Variants in ACSL3 observed in about 807,000 individuals in gnomAD.
ACSL3 encodes fatty acid CoA ligase Acsl3.
Under a neutral mutation model 84.7 loss-of-function variants are expected in ACSL3, and 34 were observed. The ratio of observed to expected loss-of-function variants is 0.40; its 90% CI spans 0.31 to 0.53. The LOEUF is 0.53. Ranked by LOEUF, ACSL3 falls within the 20% of genes least tolerant of loss-of-function variation. The pLI is 0.48. For synonymous variants in ACSL3, 315 were observed against 299.4 expected, an observed-to-expected ratio of 1.05 and a Z score of -0.54; for missense variants, 680 against 873.1, an observed-to-expected ratio of 0.78 and a Z score of 2.79.
At position 222,934,515 on chromosome 2, in the gene ACSL3, C is replaced by G; in HGVS notation, c.1848-15C>G. 2 of 1,527,504 alleles carry G rather than the reference C, an allele frequency of 1.3e-6. No individual in the cohort carries two copies. Among genetic ancestry groups the G allele is most frequent in the Middle Eastern group, 1.7e-4 (1 of 5,866 alleles). 94.6% of individuals were successfully genotyped at this position (1,527,504 alleles called of 1,614,324 possible). ...ACCATTTTGTTCCTTATCTGTTATC[C>G]TTTCTATATTTCAGTTATCATTCTT... is the stretch of plus-strand genomic sequence containing the variant. On this transcript the variant is annotated splice_polypyrimidine_tract_variant and intron_variant, in intron 15 of 16. Transcript: ENST00000357430.
chr2:222,908,831 C>T lies in ACSL3; in HGVS notation c.59C>T (p.Pro20Leu). The change falls in exon 4 of 17, where the codon CCT becomes CTT. Residue 20 changes from proline to leucine, a missense_variant. Physicochemically the swap from Pro to Leu is moderately conservative, Grantham distance 98. Around this residue, in one of 2 missense-constraint regions of ACSL3, gnomAD observed 333 missense variants for 347.5 expected, o/e 0.96. Coordinates refer to ENST00000357430, the MANE Select transcript of ACSL3 (RefSeq NM_004457.5). Reference sequence around the variant, plus strand: ...ATGAAGCTAAAACATACCATCAACCCTATTCTTTTATATTTTATACATTTT... The same window carrying T: ...ATGAAGCTAAAACATACCATCAACCTTATTCTTTTATATTTTATACATTTT... ...STMKLKHTIN[P>L]ILLYFIHFLI... is the part of the protein sequence containing the mutation. 1 of 1,605,672 alleles carries T rather than the reference C, an allele frequency of 6.2e-7. No homozygotes were observed. Among genetic ancestry groups the T allele is most frequent in the Non-Finnish European group, 8.5e-7 (1 of 1,175,552 alleles).
chr2:222,941,594 A>G lies in ACSL3; in HGVS notation c.2103A>G (p.Lys701=), dbSNP rs1182980437. 6.2e-7 allele frequency: 1 copy of G among 1,613,704 alleles called. No individual in the cohort carries two copies. Among genetic ancestry groups the G allele is most frequent in the Non-Finnish European group, 8.5e-7 (1 of 1,179,836 alleles). Residue 701 remains lysine, a synonymous_variant, in exon 17 of 17, where the codon AAA becomes AAG. Coordinates refer to ENST00000357430, the MANE Select transcript of ACSL3 (RefSeq NM_004457.5). The part of the protein sequence containing the change: ...TGLVTDAFKL[K]RKELKTHYQA... ...TGGTGACAGATGCCTTCAAGCTGAA[A>G]CGCAAAGAGCTTAAAACACATTACC...
intron 1 of ACSL3, among the ~76,000 whole-genome samples, chr2:222,883,167 G>GTTTTTTT (rs71408541): frequency 2.2e-5 from 3 of 135,844 alleles, no homozygotes; most frequent in Non-Finnish European, 4.8e-5. Flanking sequence ...TTTGCTTTCT[G>GTTTTTTT]TTTTTTTTTT....
intron 14 of ACSL3, among the ~76,000 whole-genome samples, chr2:222,932,164 T>C (rs752371765): frequency 3.3e-5 from 5 of 152,178 alleles, no homozygotes; most frequent in Non-Finnish European, 5.9e-5. Flanking sequence ...ATTGAAGTAA[T>C]ACGTTTTTGC....
At chr2:222,911,031 A>G (rs1696426676) in intron 4 of ACSL3, among the ~76,000 whole-genome samples, 1 of 149,548 alleles carries the variant, frequency 6.7e-6, no homozygotes, top group Non-Finnish European at 1.5e-5. Flanking sequence ...TCATATTTAC[A>G]TATCTGGCAC....
rs138846222 is a variant in ACSL3 at position 222,893,630 on chromosome 2, A to G, written c.-148+5742A>G. On this transcript the variant is annotated intron_variant, in intron 2 of 16. Transcript: ENST00000357430. ...CCTACTTTTTTCCTGTTTTTCTCTT[A>G]GGAAAACACGTCATCTCTGATAGAA... 2.0e-3 allele frequency among the ~76,000 whole-genome samples: 298 copies of G among 152,238 alleles called. 4 individuals are homozygous for G. Among genetic ancestry groups the G allele is most frequent in the African/African-American group, 7.0e-3 (291 of 41,528 alleles).
intron 3 of ACSL3, among the ~76,000 whole-genome samples, chr2:222,906,798 A>G (rs1696304853): frequency 6.6e-6 from 1 of 152,120 alleles, no homozygotes; most frequent in South Asian, 2.1e-4. Context: ...TATTTTTAGT[A>G]GAGACGGGGT....
rs747900369 is a variant in ACSL3 at position 222,878,157 on chromosome 2, T to G, written c.-206-9673T>G. 4.6e-5 allele frequency among the ~76,000 whole-genome samples: 7 copies of G among 152,300 alleles called. No homozygotes were observed. In the East Asian group the frequency reaches 7.7e-4, roughly 17 times the overall value. On this transcript the variant is annotated intron_variant, in intron 1 of 16. Coordinates refer to ENST00000357430, the MANE Select transcript of ACSL3 (RefSeq NM_004457.5). ...TAGCACAGTAATGGACATGAGATAC[T>G]GAGTAAGCATTTATTAAATTGAGTT...
intron 12 of ACSL3, among the ~76,000 whole-genome samples, chr2:222,927,690 A>G (rs1197552212): frequency 6.6e-6 from 1 of 152,204 alleles, no homozygotes; most frequent in African/African-American, 2.4e-5. Flanking sequence ...AGATCTACCA[A>G]CTAATCAGCA....
chr2:222,940,436 A>G (rs1376023697), intron 16 of ACSL3, among the ~76,000 whole-genome samples: 1 of 150,852 alleles, frequency 6.6e-6, no homozygotes, highest in Admixed American at 6.6e-5. Context: ...CCTCACATCT[A>G]GGTGCATATA....
At chr2:222,907,545 G>C (rs1189343152) in intron 3 of ACSL3, among the ~76,000 whole-genome samples, 2 of 152,082 alleles carry the variant, frequency 1.3e-5, no homozygotes, top group Non-Finnish European at 2.9e-5. Flanking sequence ...AGAATTGCTT[G>C]AAGCCAGGAG....
chr2:222,877,357 G>C (rs1695474490), intron 1 of ACSL3, among the ~76,000 whole-genome samples: 1 of 152,178 alleles, frequency 6.6e-6, no homozygotes, highest in Non-Finnish European at 1.5e-5. Flanking sequence ...TGAAGAGGTG[G>C]AGCAGATGAT....
intron 1 of ACSL3, among the ~76,000 whole-genome samples, chr2:222,885,125 A>T (rs1342586611): frequency 6.6e-6 from 1 of 152,156 alleles, no homozygotes; most frequent in Non-Finnish European, 1.5e-5. Context: ...TTTGTTGAAG[A>T]GATTTTTAAC....
Position 222,918,112 on chromosome 2 carries a change from C to A in ACSL3, c.623C>A (p.Thr208Asn). 2 of 1,611,838 alleles carry A rather than the reference C, an allele frequency of 1.2e-6. No individual in the cohort carries two copies. Among genetic ancestry groups the A allele is most frequent in the Admixed American group, 3.3e-5 (2 of 59,844 alleles). The change falls in exon 6 of 17, where the codon ACC becomes AAC. Residue 208 changes from threonine (T) to asparagine (N), a missense_variant. Physicochemically the swap from Thr to Asn is moderately conservative, Grantham distance 65. Coordinates refer to ENST00000357430, the MANE Select transcript of ACSL3 (RefSeq NM_004457.5). Reference protein sequence around the residue: ...IVHALNETEVTNIITSKELLQ... With the variant: ...IVHALNETEVNNIITSKELLQ... Reference sequence around the variant, plus strand: ...CATGCATTAAATGAAACAGAGGTGACCAACATCATTACTAGTAAAGAACTC... The same window carrying A: ...CATGCATTAAATGAAACAGAGGTGAACAACATCATTACTAGTAAAGAACTC...
rs569617901 is a variant in ACSL3, at chr2:222,923,225, A to T, written c.1152+76A>T. The T allele has an allele frequency of 8.2e-6, 10 of 1,222,302 alleles. No homozygotes were observed. The Admixed American group carries it at 1.3e-4, about 15-fold the overall frequency. 75.7% of individuals were successfully genotyped at this position (1,222,302 alleles called of 1,614,324 possible). A position where few individuals can be genotyped will look rare whatever the true frequency, so the allele number is the denominator to read the frequency against. On this transcript the variant is annotated intron_variant, in intron 10 of 16. Transcript: ENST00000357430. The stretch of plus-strand genomic sequence containing the variant: ...TACAAAGCATTAGTGCTAGTGAAAA[A>T]TATATTGTTGACAAGGTAGTTTATG...
chr2:222,930,765 C>T lies in ACSL3; in HGVS notation c.1685C>T (p.Thr562Ile). ...GAAAATGGACAAAGGTGGCTCTGTA[C>T]TGGGGATATTGGAGAGTTTGAACCC... The part of the protein sequence containing the change: ...EDENGQRWLC[T>I]GDIGEFEPDG... The change falls in exon 14 of 17, where the codon ACT becomes ATT. Residue 562 changes from threonine (T) to isoleucine (I), a missense_variant. Thr to Ile is a moderately conservative substitution (Grantham distance 89). Around this residue, in one of 2 missense-constraint regions of ACSL3, gnomAD observed 347 missense variants for 525.7 expected, o/e 0.66. Coordinates refer to ENST00000357430, the MANE Select transcript of ACSL3 (RefSeq NM_004457.5). 2 of 1,614,048 alleles carry T rather than the reference C, an allele frequency of 1.2e-6. No homozygotes were observed. Among genetic ancestry groups the T allele is most frequent in the Non-Finnish European group, 8.5e-7 (1 of 1,179,970 alleles).
At chr2:222,935,549 A>G (rs567319626) in intron 16 of ACSL3, among the ~76,000 whole-genome samples, 3 of 152,282 alleles carry the variant, frequency 2.0e-5, no homozygotes, top group African/African-American at 7.2e-5. Context: ...CAGTAATGTC[A>G]GATTCCACAC....
At position 222,944,356 on chromosome 2, in the gene ACSL3, G is replaced by A. The variant is rs1697406688; in HGVS notation, c.*2702G>A. On this transcript the variant is annotated 3_prime_UTR_variant, in exon 17 of 17. Coordinates refer to ENST00000357430, the MANE Select transcript of ACSL3 (RefSeq NM_004457.5). ...AACTTTTAAAAATCTCTGATGTGTG[G>A]GCTCTTTTTTTCCCATAAGAATTAT... 1 of 152,016 alleles carries A rather than the reference G, an allele frequency of 6.6e-6. No homozygotes were observed. Among genetic ancestry groups the A allele is most frequent in the Non-Finnish European group, 1.5e-5 (1 of 67,970 alleles). 9.4% of individuals were successfully genotyped at this position (152,016 alleles called of 1,614,324 possible).
chr2:222,916,064 T>TTTTTGAAATA (rs1366475688), intron 4 of ACSL3, among the ~76,000 whole-genome samples: 125 of 152,286 alleles, frequency 8.2e-4, no homozygotes, highest in African/African-American at 2.9e-3. Flanking sequence ...ACTCTCAATA[T>TTTTTGAAATA]TTTTGAAAAC....
Sources: allele counts gnomAD v4.1 joint callset (sites outside exome capture counted in the v4.1 genomes callset), GRCh38; gene constraint gnomAD v4.1.1; regional missense constraint gnomAD v4.1.1; transcripts MANE v1.5; gene names NCBI Gene and HGNC (gene_info 2026-07-23, HGNC 2026-07-21).